Variants in NTN4 observed in about 807,000 individuals in gnomAD.
NTN4 encodes netrin-4.
Under a neutral mutation model 73.6 loss-of-function variants are expected in NTN4, and 32 were observed. That is an observed-to-expected ratio of 0.44 (90% CI 0.33 to 0.58). The LOEUF is 0.58. Among genes scored for constraint, NTN4 ranks in the 20% least tolerant of loss-of-function variants. The pLI, the probability that NTN4 is intolerant of heterozygous loss-of-function variation, is 0.04. For synonymous variants in NTN4, 258 were observed against 287.5 expected, an observed-to-expected ratio of 0.90 and a Z score of 1.04; for missense variants, 654 against 798.3, an observed-to-expected ratio of 0.82 and a Z score of 2.18.
intron 2 of NTN4, among the ~76,000 whole-genome samples, chr12:95,744,909 T>C (rs1295839574): frequency 6.6e-6 from 1 of 151,816 alleles, no homozygotes; most frequent in Non-Finnish European, 1.5e-5. Flanking sequence ...AAATATTTTT[T>C]GCTGGGTATA....
chr12:95,702,086 C>G (rs2431009), intron 5 of NTN4, among the ~76,000 whole-genome samples: 47,271 of 151,636 alleles, frequency 0.31, 8,726 homozygotes, highest in East Asian at 0.56. Flanking sequence ...TCGAGACCAG[C>G]CTGGCCAACA....
chr12:95,702,119 A>C (rs973214945), intron 5 of NTN4, among the ~76,000 whole-genome samples: 6 of 151,940 alleles, frequency 3.9e-5, no homozygotes, highest in African/African-American at 1.5e-4. Context: ...GTCTCTACTA[A>C]AAATACAAAA....
chr12:95,716,640 TC>T (rs1405988104), intron 3 of NTN4, among the ~76,000 whole-genome samples: 1 of 152,078 alleles, frequency 6.6e-6, no homozygotes, highest in East Asian at 1.9e-4. Context: ...TCTCCAGCTT[TC>T]CCCCCAGCTC....
At chr12:95,697,556 A>C (rs1360654846) in intron 5 of NTN4, among the ~76,000 whole-genome samples, 3 of 151,710 alleles carry the variant, frequency 2.0e-5, no homozygotes, top group African/African-American at 7.3e-5. Flanking sequence ...TTAGGATGAA[A>C]TCAGTTCTTT....
intron 8 of NTN4, among the ~76,000 whole-genome samples, chr12:95,668,006 G>A (rs947641362): frequency 3.9e-5 from 6 of 152,158 alleles, no homozygotes; most frequent in African/African-American, 9.7e-5. Context: ...CATAGTGCCC[G>A]GCGTGTGGCT....
chr12:95,739,165 A>T (rs1020727294), intron 2 of NTN4, among the ~76,000 whole-genome samples: 1 of 152,212 alleles, frequency 6.6e-6, no homozygotes, highest in African/African-American at 2.4e-5. Flanking sequence ...TTTGGTAAAC[A>T]AATTAATTAA....
intron 2 of NTN4, among the ~76,000 whole-genome samples, chr12:95,754,980 A>G (rs1470136158): frequency 9.2e-5 from 14 of 152,236 alleles, no homozygotes; most frequent in Admixed American, 9.2e-4. Flanking sequence ...TTGTCACTAC[A>G]CATTCACAAC....
intron 2 of NTN4, among the ~76,000 whole-genome samples, chr12:95,746,446 C>G (rs963023980): frequency 4.6e-5 from 7 of 152,160 alleles, no homozygotes; most frequent in African/African-American, 1.4e-4. Flanking sequence ...TCTTCGGGGC[C>G]GAGAGAACTT....
chr12:95,669,194 C>T (rs1164914031), intron 8 of NTN4, among the ~76,000 whole-genome samples: 2 of 138,264 alleles, frequency 1.4e-5, no homozygotes, highest in Non-Finnish European at 3.1e-5. Context: ...GGCAACAAAG[C>T]GAGACTCTGT....
rs529899141 is a variant in NTN4 at position 95,673,073 on chromosome 12, C to G, written c.1511-2927G>C. 1.1e-5 allele frequency: 16 copies of G among 1,456,934 alleles called. 1 individual carries two copies. In the Admixed American group the frequency reaches 2.8e-4, roughly 25 times the overall value. The allele number at this position is 1,456,934 out of a possible 1,614,324, so 90.3% of individuals were successfully genotyped here. A position where few individuals can be genotyped will look rare whatever the true frequency, so the allele number is the denominator to read the frequency against. On this transcript the variant is annotated intron_variant, in intron 7 of 9. Transcript: ENST00000343702. ...CAGGGCAAGGCCAAGAAGTGAAGGC[C>G]GGCGGGCGGACTACTGTCCCCAGGA...
At chr12:95,779,599 G>A (rs1490538390) in intron 2 of NTN4, among the ~76,000 whole-genome samples, 1 of 151,930 alleles carries the variant, frequency 6.6e-6, no homozygotes. Flanking sequence ...CAACTTACAA[G>A]GGATGTGATG....
chr12:95,714,753 C>T (rs186690265), intron 3 of NTN4, among the ~76,000 whole-genome samples: 30 of 152,148 alleles, frequency 2.0e-4, no homozygotes, highest in Non-Finnish European at 3.1e-4. Context: ...TTTTAACAGA[C>T]AGAAGGGAAG....
At chr12:95,672,422 C>T (rs2078240024) in intron 7 of NTN4, 1 of 1,223,178 alleles carries the variant, frequency 8.2e-7, no homozygotes, top group Admixed American at 1.7e-5. Context: ...AGGTGAAGCG[C>T]AGGCGGGCAG....
At chr12:95,751,309 CAAT>C (rs2078905405) in intron 2 of NTN4, among the ~76,000 whole-genome samples, 1 of 151,718 alleles carries the variant, frequency 6.6e-6, no homozygotes, top group African/African-American at 2.4e-5. Flanking sequence ...TCAAGGTGTA[CAAT>C]AATAGAAAAA....
intron 2 of NTN4, among the ~76,000 whole-genome samples, chr12:95,743,514 C>T (rs1166595646): frequency 3.9e-5 from 6 of 152,158 alleles, no homozygotes; most frequent in Non-Finnish European, 8.8e-5. Flanking sequence ...TCTTCAGTTG[C>T]ATCCCCCCGA....
intron 3 of NTN4, among the ~76,000 whole-genome samples, chr12:95,721,747 T>G (rs150514267): frequency 6.6e-6 from 1 of 152,314 alleles, no homozygotes; most frequent in Non-Finnish European, 1.5e-5. Context: ...TTAGGTAAAT[T>G]TTTAAATTGA....
In NTN4 at chr12:95,790,241, G is replaced by A. The variant is rs1266323014; in HGVS notation, c.55+14C>T. On this transcript the variant is annotated intron_variant, in intron 1 of 9. Coordinates refer to ENST00000343702, the MANE Select transcript of NTN4 (RefSeq NM_021229.4). The surrounding 1 kb of genome is among the most constrained non-coding windows in gnomAD (Gnocchi z 6.5). ...CGAGGGAAGGGGTGGGGGCCCCGCC[G>A]CGTCACCACCCACCTGCGGCCACCA... The A allele has an allele frequency of 1.3e-6, 2 of 1,530,980 alleles. No homozygotes were observed. 94.8% of individuals were successfully genotyped at this position (1,530,980 alleles called of 1,614,324 possible). A position where few individuals can be genotyped will look rare whatever the true frequency, so the allele number is the denominator to read the frequency against.
At chr12:95,668,926 C>A (rs2078204421) in intron 8 of NTN4, among the ~76,000 whole-genome samples, 1 of 152,202 alleles carries the variant, frequency 6.6e-6, no homozygotes, top group Admixed American at 6.5e-5. Context: ...GAGTTCGAGA[C>A]CAGCCTGACC....
chr12:95,715,996 AAG>A (rs1314385244), intron 3 of NTN4, among the ~76,000 whole-genome samples: 11 of 152,056 alleles, frequency 7.2e-5, no homozygotes, highest in African/African-American at 2.7e-4. Flanking sequence ...TAGTAAGATG[AAG>A]GCATCCTTAT....
Sources: gnomAD v4.1 joint callset for allele counts (sites outside exome capture counted in the v4.1 genomes callset) on GRCh38, gnomAD v4.1.1 for gene constraint, Gnocchi (gnomAD v3.1) non-coding constraint, MANE v1.5 for transcripts, NCBI Gene and HGNC (gene_info 2026-07-23, HGNC 2026-07-21) for gene names.